Variants in SUSD6 observed in about 807,000 individuals in gnomAD.
SUSD6 encodes sushi domain containing 6, also known as sushi domain-containing protein 6.
Under a neutral mutation model 28.4 loss-of-function variants are expected in SUSD6, and 16 were observed. The ratio of observed to expected loss-of-function variants is 0.56; its 90% confidence interval spans 0.38 to 0.86. SUSD6 has a LOEUF of 0.86. SUSD6 is among the 40% of genes least tolerant of loss of function. The pLI is 0.00. For missense variants in SUSD6, 341 were observed against 384.2 expected (o/e 0.89, Z 0.94); for synonymous variants, 147 against 159.6 (o/e 0.92, Z 0.59).
intron 1 of SUSD6, among the ~76,000 whole-genome samples, chr14:69,632,114 TA>T (rs1395731793): frequency 6.6e-6 from 1 of 152,246 alleles, no homozygotes; most frequent in African/African-American, 2.4e-5. Flanking sequence ...GCTTGTTTTT[TA>T]AAAAGTTTTA....
rs763638918 is a variant in SUSD6, at chr14:69,658,723, G to A, written c.121+10G>A. The A allele has an allele frequency of 5.6e-6, 9 of 1,613,764 alleles. No homozygotes were observed. In the African/African-American group the frequency reaches 1.2e-4, roughly 22 times the overall value. ...GACGGACTTGCTTCCGGTAAGTCCT[G>A]ACCTGCCTTCTGTGTGTGGGTGGGA... On this transcript the variant is annotated intron_variant, in intron 2 of 5. Coordinates refer to ENST00000342745, the MANE Select transcript of SUSD6 (RefSeq NM_014734.4).
intron 2 of SUSD6, among the ~76,000 whole-genome samples, chr14:69,661,364 G>T (rs1204864939): frequency 6.6e-6 from 1 of 152,088 alleles, no homozygotes; most frequent in African/African-American, 2.4e-5. Flanking sequence ...ATACTGGCTG[G>T]ATAAAGGGAT....
At chr14:69,692,159 A>G (rs878933313) in intron 2 of SUSD6, among the ~76,000 whole-genome samples, 1 of 152,182 alleles carries the variant, frequency 6.6e-6, no homozygotes, top group African/African-American at 2.4e-5. Context: ...GTACACAGAA[A>G]TTAGTGAAGG....
chr14:69,657,630 G>A (rs116664826), intron 1 of SUSD6, among the ~76,000 whole-genome samples: 56 of 152,250 alleles, frequency 3.7e-4, no homozygotes, highest in African/African-American at 1.3e-3. Context: ...TGGAATACCT[G>A]TTGTAAACTA....
chr14:69,641,797 G>T (rs544308721), intron 1 of SUSD6, among the ~76,000 whole-genome samples: 2 of 151,088 alleles, frequency 1.3e-5, no homozygotes, highest in Non-Finnish European at 2.9e-5. Flanking sequence ...AGGAGGGGGG[G>T]TCTCCCTATG....
At chr14:69,632,994 CG>C (rs1226937354) in intron 1 of SUSD6, among the ~76,000 whole-genome samples, 1 of 152,188 alleles carries the variant, frequency 6.6e-6, no homozygotes, top group East Asian at 1.9e-4. Context: ...TGCTAGAACA[CG>C]GTTCTCCTCT....
chr14:69,637,540 T>C (rs1473065097), intron 1 of SUSD6, among the ~76,000 whole-genome samples: 2 of 152,144 alleles, frequency 1.3e-5, no homozygotes, highest in Non-Finnish European at 2.9e-5. Flanking sequence ...GCTCTCTCTT[T>C]CTGAGCTGTG....
At chr14:69,685,520 A>C (rs1886060325) in intron 2 of SUSD6, among the ~76,000 whole-genome samples, 2 of 152,176 alleles carry the variant, frequency 1.3e-5, no homozygotes, top group African/African-American at 4.8e-5. Context: ...CCCTTGATTC[A>C]GTGCAAACCT....
chr14:69,658,912 G>A (rs1161324982), intron 2 of SUSD6, among the ~76,000 whole-genome samples, 199 bp downstream of exon 2: 4 of 152,136 alleles, frequency 2.6e-5, no homozygotes, highest in African/African-American at 7.2e-5. Flanking sequence ...GCGTGTGGGA[G>A]CCTGCTGGTG....
chr14:69,636,384 T>C (rs181596594), intron 1 of SUSD6, among the ~76,000 whole-genome samples: 1 of 152,140 alleles, frequency 6.6e-6, no homozygotes, highest in Admixed American at 6.5e-5. Flanking sequence ...CTGAAATGAG[T>C]GCTTCTCACA....
At chr14:69,626,920 A>G (rs1885123378) in intron 1 of SUSD6, among the ~76,000 whole-genome samples, 1 of 151,872 alleles carries the variant, frequency 6.6e-6, no homozygotes, top group Non-Finnish European at 1.5e-5. Flanking sequence ...CCTGGCCTCA[A>G]GTGATCCTCC....
chr14:69,619,951 C>A (rs1159045599), intron 1 of SUSD6, among the ~76,000 whole-genome samples: 1 of 152,208 alleles, frequency 6.6e-6, no homozygotes, highest in East Asian at 1.9e-4. Flanking sequence ...AGCGTGAACA[C>A]ACATCTATAA....
intron 3 of SUSD6, 111 bp downstream of exon 3, chr14:69,703,703 C>A: frequency 1.1e-6 from 1 of 944,740 alleles, no homozygotes; most frequent in Non-Finnish European, 1.6e-6. Context: ...GCAGCCCAGC[C>A]CCAGTTGATG....
chr14:69,678,910 A>T (rs1187601341), intron 2 of SUSD6, among the ~76,000 whole-genome samples: 1 of 152,244 alleles, frequency 6.6e-6, no homozygotes, highest in East Asian at 1.9e-4. Context: ...TTTCTCTGGT[A>T]TCTACACCTG....
Position 69,623,615 on chromosome 14 carries a change from T to A in SUSD6, c.-81+11787T>A, listed in dbSNP as rs148035191. ...TGTAAAACAGCCTCAGGCAGATCCT[T>A]CAGCAGGTTTTCCAGGAGGCATTGT... On this transcript the variant is annotated intron_variant, in intron 1 of 5. Transcript: ENST00000342745. Among the ~76,000 whole-genome samples the A allele has an allele frequency of 2.0e-5, 3 of 152,316 alleles. No individual in the cohort carries two copies. The East Asian group carries it at 5.8e-4, about 29-fold the overall frequency.
chr14:69,641,745 A>C (rs147374385), intron 1 of SUSD6, among the ~76,000 whole-genome samples: 4,186 of 151,880 alleles, frequency 0.028, 122 homozygotes, highest in South Asian at 0.14. Flanking sequence ...GCATGCCACT[A>C]CACCCAGATA....
chr14:69,679,353 A>G (rs778372624), intron 2 of SUSD6, among the ~76,000 whole-genome samples: 1 of 152,220 alleles, frequency 6.6e-6, no homozygotes, highest in African/African-American at 2.4e-5. Flanking sequence ...CATTGATGTT[A>G]ACATCTGTGG....
intron 2 of SUSD6, among the ~76,000 whole-genome samples, chr14:69,666,187 C>T (rs1595047839): frequency 6.6e-6 from 1 of 152,096 alleles, no homozygotes; most frequent in East Asian, 1.9e-4. Flanking sequence ...TTTCTGAGTC[C>T]CTAAATTCTC....
At chr14:69,633,441 G>A (rs1187024041) in intron 1 of SUSD6, among the ~76,000 whole-genome samples, 2 of 152,198 alleles carry the variant, frequency 1.3e-5, no homozygotes, top group African/African-American at 4.8e-5. Flanking sequence ...TAGCATGTTT[G>A]CTTCGGCATT....
Sources: allele counts gnomAD v4.1 joint callset (sites outside exome capture counted in the v4.1 genomes callset), GRCh38; gene constraint gnomAD v4.1.1; transcripts MANE v1.5; gene names NCBI Gene and HGNC (gene_info 2026-07-23, HGNC 2026-07-21).